CRISPLD1: variants seen among roughly 807,000 people sequenced by gnomAD.
CRISPLD1 encodes the protein cysteine-rich secretory protein LCCL domain-containing 1.
In CRISPLD1, 60 loss-of-function variants were observed where a neutral mutation model predicts 77.5. The observed-to-expected ratio is 0.77, with a 90% CI of 0.63 to 0.96. The LOEUF is 0.96. Ranked by LOEUF, CRISPLD1 falls within the 40% of genes least tolerant of loss-of-function variation. The pLI is 0.00. For synonymous variants in CRISPLD1, 195 were observed against 200.1 expected, an observed-to-expected ratio of 0.97 and a Z score of 0.22; for missense variants, 623 against 615.8, an observed-to-expected ratio of 1.01 and a Z score of -0.12.
intron 12 of CRISPLD1, among the ~76,000 whole-genome samples, chr8:75,023,791 C>T (rs1378619): frequency 0.057 from 3,878 of 67,604 alleles, 80 homozygotes; most frequent in African/African-American, 0.17. Context: ...GTGATGAGTG[C>T]GTGTGTGTGT....
chr8:75,015,688 C>T (rs1327946987), intron 6 of CRISPLD1, among the ~76,000 whole-genome samples: 2 of 151,980 alleles, frequency 1.3e-5, no homozygotes, highest in Non-Finnish European at 2.9e-5. Flanking sequence ...CTTTTTTTCC[C>T]TTAATGATGC....
intron 2 of CRISPLD1, among the ~76,000 whole-genome samples, chr8:74,991,228 T>G (rs1369845569): frequency 6.6e-6 from 1 of 152,180 alleles, no homozygotes; most frequent in Non-Finnish European, 1.5e-5. Flanking sequence ...ACTCCTGGTC[T>G]GAAGTGATCT....
At chr8:75,012,633 C>A in intron 3 of CRISPLD1, 82 bp downstream of exon 3, 1 of 1,017,624 alleles carries the variant, frequency 9.8e-7, no homozygotes, top group South Asian at 1.4e-5. Context: ...TACAATTTTT[C>A]AAAGACTTGG....
chr8:75,026,575 CAA>C (rs1554534932), intron 13 of CRISPLD1: 3 of 152,156 alleles, frequency 2.0e-5, no homozygotes, highest in Non-Finnish European at 4.4e-5. Context: ...AGTGTGTAGA[CAA>C]AGTCTGAAAG....
intron 2 of CRISPLD1, among the ~76,000 whole-genome samples, chr8:74,994,335 G>A (rs916315724): frequency 2.6e-5 from 4 of 152,156 alleles, no homozygotes; most frequent in Admixed American, 2.6e-4. Flanking sequence ...AATTGACTTG[G>A]TTGGCCAGCC....
At chr8:75,030,067 C>CA (rs1301290781) in intron 14 of CRISPLD1, among the ~76,000 whole-genome samples, 3 of 152,030 alleles carry the variant, frequency 2.0e-5, no homozygotes, top group Admixed American at 6.6e-5. Flanking sequence ...TCATGTAACT[C>CA]ACTTTATCAG....
rs774247128 is a variant in CRISPLD1, at chr8:75,032,285, C to G, written c.*43C>G. On this transcript the variant is annotated 3_prime_UTR_variant, in exon 15 of 15. Transcript: ENST00000262207. ...AGGACCATAAAGACTATTCCAAATG[C>G]AATATTTCTGAATTTTGTATAAAAC... The G allele has an allele frequency of 6.8e-7, 1 of 1,462,232 alleles. No individual in the cohort carries two copies. Among genetic ancestry groups the G allele is most frequent in the South Asian group, 1.2e-5 (1 of 81,938 alleles). 90.6% of individuals were successfully genotyped at this position (1,462,232 alleles called of 1,614,324 possible).
intron 6 of CRISPLD1, 57 bp downstream of exon 6, chr8:75,014,969 C>T (rs1813003212): frequency 8.5e-7 from 1 of 1,182,732 alleles, no homozygotes; most frequent in Non-Finnish European, 1.2e-6. Context: ...CCAGCTCCTG[C>T]ATTACTTATG....
intron 2 of CRISPLD1, among the ~76,000 whole-genome samples, chr8:74,990,954 A>G (rs898393736): frequency 1.3e-5 from 2 of 150,740 alleles, no homozygotes; most frequent in Non-Finnish European, 2.9e-5. Context: ...TTATACCTAC[A>G]TTGGTACCAC....
At chr8:75,009,040 C>A (rs57665480) in intron 2 of CRISPLD1, among the ~76,000 whole-genome samples, 4 of 152,080 alleles carry the variant, frequency 2.6e-5, no homozygotes, top group Non-Finnish European at 4.4e-5. Flanking sequence ...GGAAAACTGA[C>A]ACCTAAGATT....
chr8:75,007,601 G>T (rs556269557), intron 2 of CRISPLD1, among the ~76,000 whole-genome samples: 2 of 149,092 alleles, frequency 1.3e-5, no homozygotes, highest in Non-Finnish European at 3.0e-5. Context: ...ACTGAGTCCC[G>T]CTCTGTCACC....
chr8:75,029,504 A>G lies in CRISPLD1; in HGVS notation c.1438A>G (p.Ile480Val). 13 of 1,613,620 alleles carry G rather than the reference A, an allele frequency of 8.1e-6. No individual in the cohort carries two copies. The highest frequency in any genetic ancestry group is 1.1e-5 in the Non-Finnish European group (13 of 1,179,628). ...KTYIASFQNGIFSESLQNPPG... is the reference protein window; with the variant it reads ...KTYIASFQNGVFSESLQNPPG... ...CTACATTGCTTCTTTTCAGAATGGA[A>G]TCTTCTCAGAAAGGTAAAAACAAAA... Residue 480 changes from isoleucine to valine, a missense_variant, in exon 14 of 15, where the codon ATC becomes GTC. Physicochemically the swap from Ile to Val is conservative, Grantham distance 29. Coordinates refer to ENST00000262207, the MANE Select transcript of CRISPLD1 (RefSeq NM_031461.6).
intron 2 of CRISPLD1, among the ~76,000 whole-genome samples, chr8:74,995,909 A>G (rs1325853760): frequency 6.6e-6 from 1 of 152,030 alleles, no homozygotes; most frequent in Non-Finnish European, 1.5e-5. Flanking sequence ...GCTCTCTCAC[A>G]TATTCCTTAC....
chr8:74,995,949 G>C (rs1283847417), intron 2 of CRISPLD1, among the ~76,000 whole-genome samples: 1 of 151,384 alleles, frequency 6.6e-6, no homozygotes, highest in African/African-American at 2.4e-5. Flanking sequence ...TATTGCACAT[G>C]CTTTAAAACT....
At chr8:75,018,841 C>T (rs1587023639) in intron 10 of CRISPLD1, among the ~76,000 whole-genome samples, 1 of 152,150 alleles carries the variant, frequency 6.6e-6, no homozygotes, top group East Asian at 1.9e-4. Flanking sequence ...ATCCACCAGC[C>T]TCAGCCTCCC....
intron 2 of CRISPLD1, among the ~76,000 whole-genome samples, chr8:74,999,809 A>C (rs1812708973): frequency 6.6e-6 from 1 of 150,794 alleles, no homozygotes; most frequent in Non-Finnish European, 1.5e-5. Context: ...TATAATACAC[A>C]ATGTTGGAGA....
rs766670045 is a variant in CRISPLD1, at chr8:75,017,035, A to G, written c.930-12A>G. ...GAGAAACTAAATTTTGTGCCCAATT[A>G]CTTTTATTTAGGTACGAATGTCCTG... On this transcript the variant is annotated splice_polypyrimidine_tract_variant and intron_variant, in intron 8 of 14. Transcript: ENST00000262207. 1.9e-6 allele frequency: 3 copies of G among 1,607,208 alleles called. No individual in the cohort carries two copies. The highest frequency in any genetic ancestry group is 2.2e-5 in the South Asian group (2 of 89,394).
intron 4 of CRISPLD1, among the ~76,000 whole-genome samples, chr8:75,013,456 T>C (rs572076470): frequency 2.6e-5 from 4 of 152,244 alleles, no homozygotes; most frequent in Non-Finnish European, 5.9e-5. Context: ...TAAAGGCAGA[T>C]TGATAAAGCT....
rs1190434081 is a variant in CRISPLD1, at chr8:75,025,607, C to G, written c.1306C>G (p.Arg436Gly). ...NPHYARVIGTRVYSDLSSICR... is the reference protein window; with the variant it reads ...NPHYARVIGTGVYSDLSSICR... ...ACATTATGCTCGTGTAATTGGAACT[C>G]GAGTTTATTCTGATGTAAGTATCCT... is the stretch of plus-strand genomic sequence containing the variant. Residue 436 changes from arginine to glycine, a missense_variant, in exon 13 of 15, where the codon CGA (arginine) becomes GGA (glycine). Transcript: ENST00000262207. 1.9e-6 allele frequency: 3 copies of G among 1,569,954 alleles called. No homozygotes were observed. The highest frequency in any genetic ancestry group is 1.7e-4 in the Middle Eastern group (1 of 5,906).
Sources: gnomAD v4.1 joint callset for allele counts (sites outside exome capture counted in the v4.1 genomes callset) on GRCh38, gnomAD v4.1.1 for gene constraint, MANE v1.5 for transcripts, NCBI Gene and HGNC (gene_info 2026-07-23, HGNC 2026-07-21) for gene names.